GPRASP3: variants seen among roughly 807,000 people sequenced by gnomAD.
The protein encoded by GPRASP3 is G protein-coupled receptor associated sorting protein family member 3.
the GPRASP3 span, among the ~76,000 whole-genome samples, chrX:102,721,766 A>T: frequency 9.0e-6 from 1 of 111,134 alleles, no homozygotes; most frequent in Non-Finnish European, 1.9e-5. Flanking sequence ...AAACTGCTTC[A>T]TGGATAGTCT....
chrX:102,736,977 C>T, the GPRASP3 span, among the ~76,000 whole-genome samples: 9 of 111,997 alleles, frequency 8.0e-5, no homozygotes, highest in South Asian at 3.0e-3. Context: ...TTTCCCAAAA[C>T]GGGGTCTGTG....
At chrX:102,749,798 C>G in the GPRASP3 span, 8 of 1,209,797 alleles carry the variant, frequency 6.6e-6, no homozygotes, top group Admixed American at 2.2e-5. Context: ...TGCCGCCCTT[C>G]TAGGAACACT....
chrX:102,744,890 G>A, the GPRASP3 span, among the ~76,000 whole-genome samples: 64 of 111,818 alleles, frequency 5.7e-4, no homozygotes, highest in African/African-American at 2.0e-3. Context: ...CGTCTACAAT[G>A]TGCTGAGAAT....
chrX:102,748,088 T>A, the GPRASP3 span, among the ~76,000 whole-genome samples: 1 of 111,305 alleles, frequency 9.0e-6, no homozygotes, highest in Non-Finnish European at 1.9e-5. Flanking sequence ...ATGAGGTAAT[T>A]GGTAGATATT....
the GPRASP3 span, chrX:102,750,458 C>T: frequency 5.0e-6 from 6 of 1,208,102 alleles, no homozygotes; most frequent in Middle Eastern, 2.6e-4. Context: ...AAGGCATTGG[C>T]AGCATTAAAA....
chrX:102,732,134 C>A, the GPRASP3 span, among the ~76,000 whole-genome samples: 2 of 111,547 alleles, frequency 1.8e-5, no homozygotes, highest in African/African-American at 6.5e-5. Context: ...CCTGCTCATG[C>A]CTGTCTACCT....
chrX:102,750,723 T>G, the GPRASP3 span: 2 of 782,807 alleles, frequency 2.6e-6, no homozygotes, highest in Non-Finnish European at 3.5e-6. Context: ...ACACTGCATC[T>G]TTAACACAGA....
At chrX:102,743,462 C>T in the GPRASP3 span, among the ~76,000 whole-genome samples, 2 of 110,697 alleles carry the variant, frequency 1.8e-5, no homozygotes, top group Non-Finnish European at 3.8e-5. Flanking sequence ...TAGAATAGTA[C>T]TTTATAAATT....
the GPRASP3 span, among the ~76,000 whole-genome samples, chrX:102,724,360 C>G: frequency 8.9e-6 from 1 of 111,765 alleles, no homozygotes; most frequent in African/African-American, 3.3e-5. Flanking sequence ...TCTACATCAA[C>G]AAGTTAAAAT....
At chrX:102,725,440 G>A in the GPRASP3 span, among the ~76,000 whole-genome samples, 3 of 111,021 alleles carry the variant, frequency 2.7e-5, no homozygotes, top group Non-Finnish European at 5.7e-5. Context: ...ATACCTCCTC[G>A]CCCTTATCCC....
At chrX:102,741,469 T>C in the GPRASP3 span, among the ~76,000 whole-genome samples, 3 of 112,232 alleles carry the variant, frequency 2.7e-5, no homozygotes, top group African/African-American at 9.7e-5. Context: ...CATACTCTGC[T>C]ATTTTGTCTC....
the GPRASP3 span, among the ~76,000 whole-genome samples, chrX:102,747,090 A>T: frequency 8.9e-6 from 1 of 112,179 alleles, no homozygotes; most frequent in East Asian, 2.8e-4. Flanking sequence ...TCTGGAAACC[A>T]AAACTCCATC....
chrX:102,729,374 T>C, the GPRASP3 span, among the ~76,000 whole-genome samples: 149 of 111,553 alleles, frequency 1.3e-3, no homozygotes, highest in African/African-American at 4.4e-3. Context: ...CTTATGAAAA[T>C]CAAAGCCCAG....
chrX:102,750,256 G>T, the GPRASP3 span: 1 of 1,200,507 alleles, frequency 8.3e-7, no homozygotes, highest in Admixed American at 2.3e-5. Context: ...GAACTCACCG[G>T]GACAGCAATC....
the GPRASP3 span, among the ~76,000 whole-genome samples, chrX:102,740,555 C>A: frequency 1.8e-5 from 2 of 111,280 alleles, no homozygotes; most frequent in Non-Finnish European, 3.8e-5. Flanking sequence ...CATCAACAAG[C>A]ATCAAGAGCA....
chrX:102,746,246 G>GA, the GPRASP3 span: 1 of 111,630 alleles, frequency 9.0e-6, no homozygotes, highest in Non-Finnish European at 1.9e-5. Flanking sequence ...CGCCGACCCT[G>GA]ACATCCTGGC....
At chrX:102,749,470 T>A in the GPRASP3 span, 7 of 1,211,862 alleles carry the variant, frequency 5.8e-6, no homozygotes, top group Non-Finnish European at 7.8e-6. Flanking sequence ...TGGGGCCGAT[T>A]GCAAACCTAG....
At chrX:102,730,735 T>C in the GPRASP3 span, among the ~76,000 whole-genome samples, 18 of 111,150 alleles carry the variant, frequency 1.6e-4, no homozygotes, top group African/African-American at 5.9e-4. Flanking sequence ...TCACAGTAAA[T>C]CAGCACTTTA....
chrX:102,731,023 A>G, the GPRASP3 span, among the ~76,000 whole-genome samples: 5 of 112,784 alleles, frequency 4.4e-5, no homozygotes, highest in Non-Finnish European at 9.4e-5. Flanking sequence ...GGAATACTAG[A>G]AAGAAAACAG....
Sources: gnomAD v4.1 joint callset for allele counts (sites outside exome capture counted in the v4.1 genomes callset) on GRCh38, gnomAD v4.1.1 for gene constraint, MANE v1.5 for transcripts, NCBI Gene and HGNC (gene_info 2026-07-23, HGNC 2026-07-21) for gene names.